The following AP3B1 variants were observed in gnomAD, a reference collection of about 807,000 sequenced individuals.
AP3B1 encodes AP-3 complex subunit beta-1.
In AP3B1, 61 loss-of-function variants were observed where a neutral mutation model predicts 132.5. The ratio of observed to expected loss-of-function variants is 0.46; its 90% CI spans 0.37 to 0.57. The LOEUF (loss-of-function observed/expected upper bound fraction) is 0.57, where lower values mean the gene tolerates loss of function less well. Ranked by LOEUF, AP3B1 falls within the 20% of genes least tolerant of loss-of-function variation. The pLI, the probability that AP3B1 is intolerant of heterozygous loss-of-function variation, is 0.00. For synonymous variants in AP3B1, 388 were observed against 438.3 expected (o/e 0.89, Z 1.43); for missense variants, 1,120 against 1,289.4 (o/e 0.87, Z 2.01).
At position 78,164,612 on chromosome 5, in the gene AP3B1, G is replaced by T. The variant is rs146062566; in HGVS notation, c.1230+998C>A. On this transcript the variant is annotated intron_variant, in intron 12 of 26. Coordinates refer to ENST00000255194, the MANE Select transcript of AP3B1 (RefSeq NM_003664.5). The stretch of plus-strand genomic sequence containing the variant: ...TTCAAGCAATGATCTGCAGCTATAA[G>T]ATTACTGAATAATAACATAAAATAG... Among the ~76,000 whole-genome samples, 735 of 152,164 alleles carry T rather than the reference G, an allele frequency of 4.8e-3. 4 individuals are homozygous for T. The highest frequency in any genetic ancestry group is 0.016 in the African/African-American group (681 of 41,542).
intron 25 of AP3B1, among the ~76,000 whole-genome samples, chr5:78,018,765 T>C (rs1018622851): frequency 1.2e-4 from 18 of 152,178 alleles, no homozygotes; most frequent in African/African-American, 3.4e-4. Context: ...AGGAAACGGA[T>C]TTTTATTCTG....
At chr5:78,083,693 T>C (rs1030887310) in intron 22 of AP3B1, among the ~76,000 whole-genome samples, 24 of 152,344 alleles carry the variant, frequency 1.6e-4, no homozygotes, top group African/African-American at 5.5e-4. Context: ...ATGCTGTGTT[T>C]ATAAATAATA....
At chr5:78,003,211 G>GA in intron 26 of AP3B1, 156 bp from the exon 27 acceptor site, 2 of 866,690 alleles carry the variant, frequency 2.3e-6, no homozygotes, top group Non-Finnish European at 3.5e-6. Context: ...GCATTCTTCT[G>GA]AAAAATCAAT....
intron 13 of AP3B1, among the ~76,000 whole-genome samples, chr5:78,158,525 C>T (rs1314267822): frequency 6.6e-6 from 1 of 152,020 alleles, no homozygotes; most frequent in African/African-American, 2.4e-5. Context: ...TACAAAACAA[C>T]ATCACATTTC....
Position 78,141,191 on chromosome 5 carries a change from C to A in AP3B1, c.1602G>T (p.Leu534=), listed in dbSNP as rs748733002. The change falls in exon 15 of 27, where the codon CTG becomes CTT. Residue 534 remains leucine (L), a synonymous_variant. Coordinates refer to ENST00000255194, the MANE Select transcript of AP3B1 (RefSeq NM_003664.5). ...ATTTTGCTCCCAGATTTAATATCTG[C>A]AGTTTTACCAGATCATCTTCACTAG... The part of the protein sequence containing the change: ...SFTSEDDLVK[L]QILNLGAKLY... 51 of 1,613,702 alleles carry A rather than the reference C, an allele frequency of 3.2e-5. No homozygotes were observed. Among genetic ancestry groups the A allele is most frequent in the Admixed American group, 1.7e-5 (1 of 59,974 alleles).
intron 17 of AP3B1, among the ~76,000 whole-genome samples, chr5:78,119,876 G>A (rs1397610132): frequency 6.6e-6 from 1 of 152,148 alleles, no homozygotes; most frequent in Non-Finnish European, 1.5e-5. Context: ...GCAACTCCAA[G>A]ACACATAATT....
chr5:78,162,789 C>A (rs781561231), intron 13 of AP3B1, 30 bp downstream of exon 13: 4 of 1,611,072 alleles, frequency 2.5e-6, no homozygotes, highest in Admixed American at 1.7e-5. Context: ...ATTTAAATCA[C>A]CTGAAAATAA....
rs571735505 is a variant in AP3B1, at chr5:78,270,489, A to C, written c.129-2894T>G. On this transcript the variant is annotated intron_variant, in intron 1 of 26. Transcript: ENST00000255194. Reference sequence around the variant, plus strand: ...ATACATGCCCAAAAAAGGATGTATAAAAATATTCAACGAAGGGAAGGCTGG... The same window carrying C: ...ATACATGCCCAAAAAAGGATGTATACAAATATTCAACGAAGGGAAGGCTGG... 1.7e-4 allele frequency among the ~76,000 whole-genome samples: 26 copies of C among 152,316 alleles called. No homozygotes were observed. The East Asian group carries it at 5.0e-3, about 29-fold the overall frequency.
intron 14 of AP3B1, among the ~76,000 whole-genome samples, chr5:78,143,436 G>GTAAA (rs141360744): frequency 0.24 from 36,937 of 151,800 alleles, 4,747 homozygotes; most frequent in African/African-American, 0.32. Context: ...AAATCCCCAA[G>GTAAA]AATTTTTAAA....
chr5:78,276,194 T>C (rs893333624), intron 1 of AP3B1, among the ~76,000 whole-genome samples: 1 of 151,902 alleles, frequency 6.6e-6, no homozygotes, highest in Non-Finnish European at 1.5e-5. Context: ...GCCTCCCAAG[T>C]AGCTGGGGCT....
intron 11 of AP3B1, among the ~76,000 whole-genome samples, chr5:78,173,163 T>C (rs1561456475): frequency 6.6e-6 from 1 of 152,248 alleles, no homozygotes; most frequent in East Asian, 1.9e-4. Flanking sequence ...TGCTGAGGAG[T>C]GCTTTACTTC....
intron 17 of AP3B1, among the ~76,000 whole-genome samples, chr5:78,117,574 T>C (rs1751912172): frequency 6.6e-6 from 1 of 152,174 alleles, no homozygotes; most frequent in African/African-American, 2.4e-5. Context: ...CCTCCCAAAG[T>C]GCTGGGATTA....
At chr5:78,233,844 T>C (rs1315034567) in intron 3 of AP3B1, among the ~76,000 whole-genome samples, 1 of 152,194 alleles carries the variant, frequency 6.6e-6, no homozygotes, top group South Asian at 2.1e-4. Context: ...AACAGGGGCA[T>C]GTTCCTAACT....
Position 78,116,219 on chromosome 5 carries a change from G to A in AP3B1, c.1984C>T (p.Pro662Ser). ...TTCTCTTGCTTTGCTTTTCCTGCTG[G>A]GGTCCATTCTTTTGCCTGTTTAAAC... ...EVIELAKEWT[P>S]AGKAKQENSA... is the part of the protein sequence containing the mutation. Residue 662 changes from proline (P) to serine (S), a missense_variant, in exon 18 of 27, where the codon CCA becomes TCA. Physicochemically the swap from Pro to Ser is moderately conservative, Grantham distance 74. Around this residue, in one of 3 missense-constraint regions of AP3B1, gnomAD observed 906 missense variants for 997.1 expected, o/e 0.91. Transcript: ENST00000255194. 6.2e-7 allele frequency: 1 copy of A among 1,613,386 alleles called. No homozygotes were observed. Among genetic ancestry groups the A allele is most frequent in the Non-Finnish European group, 8.5e-7 (1 of 1,179,602 alleles).
intron 2 of AP3B1, among the ~76,000 whole-genome samples, chr5:78,254,408 C>T (rs1339496919): frequency 6.6e-6 from 1 of 152,078 alleles, no homozygotes; most frequent in African/African-American, 2.4e-5. Context: ...TACCTCGAGA[C>T]ATTTAATAAT....
chr5:78,245,826 C>A (rs896168710), intron 2 of AP3B1, among the ~76,000 whole-genome samples: 16 of 152,164 alleles, frequency 1.1e-4, no homozygotes, highest in African/African-American at 3.9e-4. Flanking sequence ...AGGTGGAAAG[C>A]ATAGGAGAAT....
intron 20 of AP3B1, 152 bp from the exon 21 acceptor site, chr5:78,101,177 T>A (rs1196993486): frequency 3.4e-6 from 2 of 587,816 alleles, no homozygotes; most frequent in Non-Finnish European, 6.1e-6. Flanking sequence ...TTTTCCTGAA[T>A]CAACATTTGT....
chr5:78,066,280 C>T (rs1265699890), intron 22 of AP3B1, among the ~76,000 whole-genome samples: 1 of 152,224 alleles, frequency 6.6e-6, no homozygotes, highest in Non-Finnish European at 1.5e-5. Flanking sequence ...CACAACACCT[C>T]TCCAGCAAGG....
chr5:78,128,248 A>G lies in AP3B1; in HGVS notation c.1838-88T>C, dbSNP rs1415176889. On this transcript the variant is annotated intron_variant, in intron 16 of 26. Coordinates refer to ENST00000255194, the MANE Select transcript of AP3B1 (RefSeq NM_003664.5). ...ATAATCAGAGCTCAAGGTAATTGGCATATTACCTCAAATGTCAAGGAATAA... is the reference window on the plus strand; with the variant it reads ...ATAATCAGAGCTCAAGGTAATTGGCGTATTACCTCAAATGTCAAGGAATAA... 10 of 1,177,268 alleles carry G rather than the reference A, an allele frequency of 8.5e-6. No homozygotes were observed. The Admixed American group carries it at 1.8e-4, about 21-fold the overall frequency. The allele number at this position is 1,177,268 out of a possible 1,614,324, so 72.9% of individuals were successfully genotyped here. A position where few individuals can be genotyped will look rare whatever the true frequency, so the allele number is the denominator to read the frequency against.
Sources: allele counts gnomAD v4.1 joint callset (sites outside exome capture counted in the v4.1 genomes callset), GRCh38; gene constraint gnomAD v4.1.1; regional missense constraint gnomAD v4.1.1; transcripts MANE v1.5; gene names NCBI Gene and HGNC (gene_info 2026-07-23, HGNC 2026-07-21).